Variants in FANCD2 observed in about 807,000 individuals in gnomAD.
FANCD2 encodes the protein FA complementation group D2.
A neutral mutation model predicts 192.3 loss-of-function variants in FANCD2; 131 were observed. That is an observed-to-expected ratio of 0.68 (90% CI 0.59 to 0.79). The LOEUF (loss-of-function observed/expected upper bound fraction) is 0.79, where lower values mean the gene tolerates loss of function less well. Among genes scored for constraint, FANCD2 ranks in the 30% least tolerant of loss-of-function variants. The pLI is 0.00. For missense variants in FANCD2, 1,508 were observed against 1,701.6 expected (o/e 0.89, Z 2.00); for synonymous variants, 524 against 612.5 (o/e 0.86, Z 2.13).
chr3:10,054,446 CATATAT>C (rs1319690526), intron 18 of FANCD2, among the ~76,000 whole-genome samples: 683 of 36,468 alleles, frequency 0.019, 32 homozygotes, highest in East Asian at 0.082. Flanking sequence ...CATGTATATA[CATATAT>C]ATATATATAT....
chr3:10,046,473 G>A lies in FANCD2; in HGVS notation c.1135-107G>A, dbSNP rs1328404922. 10 of 1,552,394 alleles carry A rather than the reference G, an allele frequency of 6.4e-6. No individual in the cohort carries two copies. In the East Asian group the frequency reaches 1.2e-4, roughly 19 times the overall value. On this transcript the variant is annotated intron_variant, in intron 14 of 43. Transcript: ENST00000675286. ...CCAGGGGAGTGTGTGGAACAAATGA[G>A]CATTATCCATTCTGTGTTTTAATTA...
chr3:10,073,401 C>T (rs758298615), intron 28 of FANCD2, 39 bp downstream of exon 28: 2 of 1,392,754 alleles, frequency 1.4e-6, no homozygotes, highest in Admixed American at 3.3e-5. Flanking sequence ...TTTGTGACAT[C>T]CCAGTGAGAT....
At chr3:10,084,432 G>A (rs1456881328) in intron 32 of FANCD2, among the ~76,000 whole-genome samples, 1 of 151,796 alleles carries the variant, frequency 6.6e-6, no homozygotes, top group Non-Finnish European at 1.5e-5. Flanking sequence ...TGGGACTGCA[G>A]GCATGTACCA....
intron 1 of FANCD2, among the ~76,000 whole-genome samples, chr3:10,027,808 G>A (rs1403596834): frequency 6.6e-6 from 1 of 151,516 alleles, no homozygotes; most frequent in East Asian, 1.9e-4. Flanking sequence ...GGGAAGCTGA[G>A]GCAGGAGAAT....
In FANCD2 at chr3:10,074,552, A is replaced by C. The variant is rs1195020680; in HGVS notation, c.2738A>C (p.Lys913Thr). The C allele has an allele frequency of 1.1e-5, 17 of 1,613,678 alleles. No homozygotes were observed. Among genetic ancestry groups the C allele is most frequent in the Non-Finnish European group, 1.4e-5 (17 of 1,179,874 alleles). ...TAGGAGTTCACAGGGAAGGAAGAAA[A>C]GACATCATTGTTACTACATAATTCC... is the stretch of plus-strand genomic sequence containing the variant. ...LNKEFTGKEE[K>T]TSLLLHNSHA... The change falls in exon 29 of 44, where the codon AAG (lysine) becomes ACG (threonine). Residue 913 changes from lysine (K) to threonine (T), a missense_variant. By Grantham distance (78) the Lys-to-Thr change is moderately conservative. This residue lies in a region of FANCD2 where 796 missense variants were observed against 879.4 expected (regional missense o/e 0.91). Coordinates refer to ENST00000675286, the MANE Select transcript of FANCD2 (RefSeq NM_001018115.3).
In FANCD2 at chr3:10,030,096, ATTT is replaced by A. The variant is rs35086642; in HGVS notation, c.64+1390_64+1392del. ...GCCACCACGCCTGGCCCATTATATC[ATTT>A]TTTTTTTTTTTTTTGAGATGGAGTT... is the stretch of plus-strand genomic sequence containing the variant. On this transcript the variant is annotated intron_variant, in intron 2 of 43. Transcript: ENST00000675286. Among the ~76,000 whole-genome samples the A allele has an allele frequency of 2.1e-3, 267 of 124,268 alleles. 2 individuals are homozygous for A. Among genetic ancestry groups the A allele is most frequent in the African/African-American group, 7.1e-3 (236 of 33,018 alleles). The allele number at this position is 124,268 out of a possible 152,430, so 81.5% of individuals were successfully genotyped here. A position where few individuals can be genotyped will look rare whatever the true frequency, so the allele number is the denominator to read the frequency against.
intron 9 of FANCD2, chr3:10,040,480 T>A (rs2086838532): frequency 2.2e-6 from 1 of 456,664 alleles, no homozygotes; most frequent in Admixed American, 2.4e-5. Flanking sequence ...TAACCCTGGC[T>A]GCACATTAAA....
chr3:10,062,580 T>G (rs937901833), intron 20 of FANCD2, among the ~76,000 whole-genome samples: 5 of 152,164 alleles, frequency 3.3e-5, no homozygotes, highest in Admixed American at 1.3e-4. Flanking sequence ...TATGAGTAAC[T>G]GAAGAATTGC....
chr3:10,089,447 T>C (rs1298248009), intron 36 of FANCD2, among the ~76,000 whole-genome samples: 1 of 152,076 alleles, frequency 6.6e-6, no homozygotes, highest in African/African-American at 2.4e-5. Context: ...GCTAATATAT[T>C]TGAGAGGACC....
chr3:10,053,905 G>T (rs1329572311), intron 18 of FANCD2, among the ~76,000 whole-genome samples: 1 of 152,096 alleles, frequency 6.6e-6, no homozygotes, highest in Non-Finnish European at 1.5e-5. Flanking sequence ...TGAACTTCAC[G>T]TGGGCTTGCT....
rs373006120 is a variant in FANCD2 at position 10,091,701 on chromosome 3, C to T, written c.3778-480C>T. On this transcript the variant is annotated intron_variant, in intron 37 of 43. Coordinates refer to ENST00000675286, the MANE Select transcript of FANCD2 (RefSeq NM_001018115.3). Reference sequence around the variant, plus strand: ...CTAACTAGAGGGAAAGGAAATTAAACTAGGAACTCTTTGAAAAAAAATCCT... The same window carrying T: ...CTAACTAGAGGGAAAGGAAATTAAATTAGGAACTCTTTGAAAAAAAATCCT... Among the ~76,000 whole-genome samples, 6 of 152,020 alleles carry T rather than the reference C, an allele frequency of 3.9e-5. No homozygotes were observed. The East Asian group carries it at 5.8e-4, about 15-fold the overall frequency.
chr3:10,090,247 G>A, intron 36 of FANCD2, 45 bp from the exon 37 acceptor site: 5 of 1,400,498 alleles, frequency 3.6e-6, no homozygotes, highest in Non-Finnish European at 5.1e-6. Flanking sequence ...GTAGTTCTAA[G>A]CAGTGCATCA....
At chr3:10,073,820 T>A (rs2125049171) in intron 28 of FANCD2, among the ~76,000 whole-genome samples, 1 of 152,322 alleles carries the variant, frequency 6.6e-6, no homozygotes. Flanking sequence ...TAATACCACA[T>A]TTAATAAAGG....
chr3:10,088,577 G>A lies in FANCD2; in HGVS notation c.3560+35G>A, dbSNP rs774237163. On this transcript the variant is annotated intron_variant, in intron 35 of 43. Coordinates refer to ENST00000675286, the MANE Select transcript of FANCD2 (RefSeq NM_001018115.3). ...TTGGTTTCTTCCAATGAGCCAAATA[G>A]CTTTTTTCTATTTTGCTACTGTTGT... is the stretch of plus-strand genomic sequence containing the variant. 4 of 1,424,344 alleles carry A rather than the reference G, an allele frequency of 2.8e-6. No homozygotes were observed. The South Asian group carries it at 3.4e-5, about 12-fold the overall frequency. The allele number at this position is 1,424,344 out of a possible 1,614,324, so 88.2% of individuals were successfully genotyped here.
At chr3:10,063,594 G>A (rs867865617) in intron 20 of FANCD2, among the ~76,000 whole-genome samples, 198 bp from the exon 21 acceptor site, 10 of 152,344 alleles carry the variant, frequency 6.6e-5, no homozygotes, top group Admixed American at 1.3e-4. Flanking sequence ...AATTAATCTG[G>A]CTGCAGTGTC....
intron 12 of FANCD2, 92 bp downstream of exon 12, chr3:10,043,242 TTATG>T: frequency 1.1e-6 from 1 of 924,818 alleles, no homozygotes; most frequent in Non-Finnish European, 1.8e-6. Context: ...AATGATACTA[TTATG>T]ACATTTACAT....
At chr3:10,077,214 C>A (rs1223906435) in intron 29 of FANCD2, among the ~76,000 whole-genome samples, 2 of 151,948 alleles carry the variant, frequency 1.3e-5, no homozygotes, top group Non-Finnish European at 2.9e-5. Context: ...GCCTGAGCAA[C>A]AGAGCGAGAC....
intron 5 of FANCD2, 135 bp downstream of exon 5, chr3:10,034,933 G>C: frequency 1.3e-6 from 1 of 778,662 alleles, no homozygotes; most frequent in East Asian, 2.7e-5. Context: ...TTTAAACTAA[G>C]TTTAAAATTC....
chr3:10,088,787 C>G lies in FANCD2; in HGVS notation c.3561-41C>G, dbSNP rs999879941. On this transcript the variant is annotated intron_variant, in intron 35 of 43. Transcript: ENST00000675286. ...TAGAGGAATCTGTAGTTGTATTCTA[C>G]TTTGTTAATTAGTGGGTCAAATATT... 3 of 1,608,832 alleles carry G rather than the reference C, an allele frequency of 1.9e-6. No individual in the cohort carries two copies. The African/African-American group carries it at 4.0e-5, about 22-fold the overall frequency.
Sources: gnomAD v4.1 joint callset for allele counts (sites outside exome capture counted in the v4.1 genomes callset) on GRCh38, gnomAD v4.1.1 for gene constraint, gnomAD v4.1.1 regional missense constraint, MANE v1.5 for transcripts, NCBI Gene and HGNC (gene_info 2026-07-23, HGNC 2026-07-21) for gene names.